The following DIP2C variants were observed in gnomAD, a reference collection of about 807,000 sequenced individuals.
DIP2C encodes disco-interacting protein 2 homolog C.
In DIP2C, 33 loss-of-function variants were observed where a neutral mutation model predicts 192.4. That is an observed-to-expected ratio of 0.17 (90% CI 0.13 to 0.23). The LOEUF is 0.23. Ranked by LOEUF, DIP2C falls within the 10% of genes least tolerant of loss-of-function variation. DIP2C has a pLI of 1.00. For synonymous variants in DIP2C, 979 were observed against 864.1 expected, an observed-to-expected ratio of 1.13 and a Z score of -2.33; for missense variants, 1,537 against 2,110.1, an observed-to-expected ratio of 0.73 and a Z score of 5.32.
chr10:588,419 G>A (rs999090051), intron 1 of DIP2C, among the ~76,000 whole-genome samples: 1 of 152,218 alleles, frequency 6.6e-6, no homozygotes, highest in Non-Finnish European at 1.5e-5. Context: ...TTCCATCTCC[G>A]GGGGTCTCAA....
intron 24 of DIP2C, among the ~76,000 whole-genome samples, chr10:354,721 GGGGA>G (rs1245007644): frequency 6.6e-6 from 1 of 152,070 alleles, no homozygotes; most frequent in Non-Finnish European, 1.5e-5. Context: ...GAGGAAATTA[GGGGA>G]GGGAGGAAGC....
At chr10:671,959 A>G (rs1192808629) in intron 1 of DIP2C, among the ~76,000 whole-genome samples, 1 of 142,608 alleles carries the variant, frequency 7.0e-6, no homozygotes, top group Non-Finnish European at 1.5e-5. Flanking sequence ...GGAAGGAGGA[A>G]ACAGGCCACA....
intron 1 of DIP2C, among the ~76,000 whole-genome samples, chr10:592,770 AT>A (rs537119330): frequency 1.4e-3 from 212 of 152,310 alleles, no homozygotes; most frequent in Non-Finnish European, 2.4e-3. Context: ...AAGCTTCAAA[AT>A]AAATACCATG....
At chr10:314,981 G>T (rs1956714709) in intron 31 of DIP2C, among the ~76,000 whole-genome samples, 1 of 152,152 alleles carries the variant, frequency 6.6e-6, no homozygotes, top group Non-Finnish European at 1.5e-5. Context: ...ATTGCTGTTG[G>T]TTCTTTACTT....
intron 22 of DIP2C, among the ~76,000 whole-genome samples, chr10:359,428 C>T (rs1959205305): frequency 6.6e-6 from 1 of 152,174 alleles, no homozygotes. Context: ...CTGCCGGTGC[C>T]TTGGGTTCTA....
intron 26 of DIP2C, among the ~76,000 whole-genome samples, chr10:345,343 A>G (rs896174642): frequency 8.8e-6 from 1 of 113,852 alleles, no homozygotes; most frequent in African/African-American, 3.4e-5. Context: ...TCCTGGGCCC[A>G]GTGCATCCAC....
chr10:414,890 GTATA>G lies in DIP2C; in HGVS notation c.860-784_860-781del, dbSNP rs869143179. On this transcript the variant is annotated intron_variant, in intron 7 of 36. Transcript: ENST00000280886. ...TGTGTGTGTGTGTGTGTGTGTGTGT[GTATA>G]TATATATATATATTTTTTTTTTTTT... Among the ~76,000 whole-genome samples, 229 of 36,116 alleles carry G rather than the reference GTATA, an allele frequency of 6.3e-3. 3 individuals carry two copies. Among genetic ancestry groups the G allele is most frequent in the South Asian group, 0.023 (27 of 1,174 alleles). 23.7% of individuals were successfully genotyped at this position (36,116 alleles called of 152,430 possible). A position where few individuals can be genotyped will look rare whatever the true frequency, so the allele number is the denominator to read the frequency against.
chr10:590,306 C>CG (rs1851323982), intron 1 of DIP2C, among the ~76,000 whole-genome samples: 2 of 152,222 alleles, frequency 1.3e-5, no homozygotes, highest in Admixed American at 1.3e-4. Flanking sequence ...ACCTTCGAGT[C>CG]AAGTGGGACA....
intron 1 of DIP2C, among the ~76,000 whole-genome samples, chr10:518,733 G>A (rs1245151373): frequency 1.3e-5 from 2 of 152,202 alleles, no homozygotes; most frequent in African/African-American, 4.8e-5. Flanking sequence ...TGTTACAGCA[G>A]CCTTAGCTGC....
chr10:560,855 A>G (rs1170312114), intron 1 of DIP2C, among the ~76,000 whole-genome samples: 1 of 152,112 alleles, frequency 6.6e-6, no homozygotes, highest in Non-Finnish European at 1.5e-5. Context: ...CTGGAATTAG[A>G]CAGAACTTAG....
intron 14 of DIP2C, 77 bp from the exon 15 acceptor site, chr10:384,716 C>A: frequency 7.0e-7 from 1 of 1,419,214 alleles, no homozygotes; most frequent in East Asian, 2.3e-5. Flanking sequence ...GTGGCATGGA[C>A]ACTAGGCCGC....
At chr10:570,970 C>CGGAGCCCCGGCAGCA (rs1849759175) in intron 1 of DIP2C, among the ~76,000 whole-genome samples, 1 of 152,244 alleles carries the variant, frequency 6.6e-6, no homozygotes, top group Non-Finnish European at 1.5e-5. Flanking sequence ...CGACTCCCAC[C>CGGAGCCCCGGCAGCA]GGAGCCCCGG....
At chr10:621,676 G>GCCTCCAT (rs965232217) in intron 1 of DIP2C, among the ~76,000 whole-genome samples, 13 of 152,108 alleles carry the variant, frequency 8.5e-5, no homozygotes, top group African/African-American at 3.1e-4. Context: ...TCACCCTTCC[G>GCCTCCAT]CCTCCATCCT....
chr10:362,930 T>C (rs561316274), intron 21 of DIP2C, among the ~76,000 whole-genome samples: 3 of 152,194 alleles, frequency 2.0e-5, no homozygotes, highest in East Asian at 3.9e-4. Flanking sequence ...GGAGAAAAGA[T>C]AACATGTTCT....
intron 31 of DIP2C, chr10:324,787 G>C: frequency 2.5e-6 from 1 of 397,962 alleles, no homozygotes; most frequent in Non-Finnish European, 5.3e-6. Context: ...GTCAGGCCCC[G>C]CCCTGGTGCC....
At chr10:283,592 A>C in intron 34 of DIP2C, 146 bp from the exon 35 acceptor site, 4 of 1,104,198 alleles carry the variant, frequency 3.6e-6, no homozygotes, top group Non-Finnish European at 5.1e-6. Flanking sequence ...TGTTAATCTC[A>C]TTCGGGTTTC....
At chr10:646,961 C>T (rs1480782370) in intron 1 of DIP2C, among the ~76,000 whole-genome samples, 1 of 152,240 alleles carries the variant, frequency 6.6e-6, no homozygotes, top group Non-Finnish European at 1.5e-5. Flanking sequence ...ATGTTTCTTC[C>T]TTTCCTGAGT....
At chr10:650,962 C>T (rs1425378247) in intron 1 of DIP2C, 13 of 717,342 alleles carry the variant, frequency 1.8e-5, no homozygotes, top group Non-Finnish European at 5.2e-6. Context: ...TGTTTCTCTT[C>T]CAAAGCCGGC....
intron 29 of DIP2C, among the ~76,000 whole-genome samples, chr10:338,761 C>T (rs1957995785): frequency 6.6e-6 from 1 of 152,166 alleles, no homozygotes; most frequent in Non-Finnish European, 1.5e-5. Context: ...ACGCTGCACC[C>T]TGCCTGGCTG....
Sources: allele counts gnomAD v4.1 joint callset (sites outside exome capture counted in the v4.1 genomes callset), GRCh38; gene constraint gnomAD v4.1.1; transcripts MANE v1.5; gene names NCBI Gene and HGNC (gene_info 2026-07-23, HGNC 2026-07-21).